The following SPAG17 variants were observed in gnomAD, a reference collection of about 807,000 sequenced individuals.
The protein encoded by SPAG17 is sperm-associated antigen 17.
In SPAG17, 169 loss-of-function variants were observed where a neutral mutation model predicts 273.6. The observed-to-expected ratio is 0.62, with a 90% CI of 0.55 to 0.70. The LOEUF (loss-of-function observed/expected upper bound fraction) is 0.70. SPAG17 is among the 30% of genes least tolerant of loss of function. The probability of loss-of-function intolerance (pLI) is 0.00; values close to 1 mark genes in which losing one functional copy is unlikely to be tolerated. For synonymous variants in SPAG17, 825 were observed against 873.2 expected (o/e 0.94, Z 0.97); for missense variants, 2,557 against 2,627.8 (o/e 0.97, Z 0.59).
intron 20 of SPAG17, among the ~76,000 whole-genome samples, chr1:118,052,970 A>G (rs989851113): frequency 2.0e-5 from 3 of 152,120 alleles, no homozygotes; most frequent in South Asian, 4.1e-4. Flanking sequence ...GATGGAGTAA[A>G]GGAATGTGAA....
intron 28 of SPAG17, among the ~76,000 whole-genome samples, chr1:118,019,809 T>A (rs1322745123): frequency 1.3e-5 from 2 of 152,210 alleles, no homozygotes; most frequent in African/African-American, 4.8e-5. Flanking sequence ...TAAAGGATAT[T>A]TTCAATGTAC....
At chr1:118,060,599 T>C (rs1652181561) in intron 18 of SPAG17, among the ~76,000 whole-genome samples, 1 of 152,248 alleles carries the variant, frequency 6.6e-6, no homozygotes, top group South Asian at 2.1e-4. Flanking sequence ...AATTTGACTG[T>C]ATACTTGCCT....
intron 40 of SPAG17, among the ~76,000 whole-genome samples, chr1:117,985,209 G>T (rs1242388634): frequency 6.6e-6 from 1 of 152,164 alleles, no homozygotes; most frequent in Admixed American, 6.5e-5. Flanking sequence ...AAAACTTGAG[G>T]CATGATTTGT....
chr1:117,995,695 A>AACAC lies in SPAG17; in HGVS notation c.5053+671_5053+674dup, dbSNP rs10570645. Among the ~76,000 whole-genome samples, 543 of 140,830 alleles carry AACAC rather than the reference A, an allele frequency of 3.9e-3. 2 individuals are homozygous for AACAC. The highest frequency in any genetic ancestry group is 5.1e-3 in the South Asian group (21 of 4,082). The allele number at this position is 140,830 out of a possible 152,430, so 92.4% of individuals were successfully genotyped here. On this transcript the variant is annotated intron_variant, in intron 34 of 48. Transcript: ENST00000336338. ...CCAAAACACAGAAAAAAGATGAAAT[A>AACAC]ACACACACACACACACACACACACA... is the stretch of plus-strand genomic sequence containing the variant.
Position 117,977,936 on chromosome 1 carries a change from T to C in SPAG17, c.6004+3334A>G, listed in dbSNP as rs80334021. On this transcript the variant is annotated intron_variant, in intron 43 of 48. Coordinates refer to ENST00000336338, the MANE Select transcript of SPAG17 (RefSeq NM_206996.4). ...CACCTGGATGATCCATCCAACACCCTGTCTTATCTGATTCTTGATCACACC... is the reference window on the plus strand; with the variant it reads ...CACCTGGATGATCCATCCAACACCCCGTCTTATCTGATTCTTGATCACACC... Among the ~76,000 whole-genome samples, 1,409 of 152,318 alleles carry C rather than the reference T, an allele frequency of 9.3e-3. 21 individuals are homozygous for C. The highest frequency in any genetic ancestry group is 0.032 in the African/African-American group (1,325 of 41,558).
intron 15 of SPAG17, among the ~76,000 whole-genome samples, chr1:118,079,439 T>C (rs1654357865): frequency 6.6e-6 from 1 of 152,178 alleles, no homozygotes; most frequent in Non-Finnish European, 1.5e-5. Flanking sequence ...ATTCCTGATA[T>C]AGTTTTATTC....
chr1:118,147,647 C>G (rs1459344728), intron 3 of SPAG17, among the ~76,000 whole-genome samples: 1 of 152,176 alleles, frequency 6.6e-6, no homozygotes, highest in Non-Finnish European at 1.5e-5. Flanking sequence ...TAAATAAAGA[C>G]TTTCATATAT....
chr1:118,086,125 C>CT, intron 12 of SPAG17, 53 bp from the exon 13 acceptor site: 1 of 1,549,594 alleles, frequency 6.5e-7, no homozygotes, highest in Non-Finnish European at 8.8e-7. Flanking sequence ...TGTTAAGTGC[C>CT]TTATGCATAT....
intron 48 of SPAG17, among the ~76,000 whole-genome samples, chr1:117,954,326 T>C (rs1205006910): frequency 6.6e-6 from 1 of 152,076 alleles, no homozygotes; most frequent in East Asian, 1.9e-4. Context: ...TTGTCTTGAG[T>C]AGAAACCCAC....
At chr1:118,183,185 A>G (rs1037325436) in intron 1 of SPAG17, among the ~76,000 whole-genome samples, 1 of 152,140 alleles carries the variant, frequency 6.6e-6, no homozygotes, top group African/African-American at 2.4e-5. Flanking sequence ...ATAATACAAC[A>G]CATAAACTAG....
At chr1:118,158,683 A>T (rs1273400836) in intron 1 of SPAG17, among the ~76,000 whole-genome samples, 1 of 152,226 alleles carries the variant, frequency 6.6e-6, no homozygotes, top group Non-Finnish European at 1.5e-5. Flanking sequence ...AGACCTTAGC[A>T]GAATCTACTA....
At chr1:118,184,219 T>TAAA (rs1377153715) in intron 1 of SPAG17, among the ~76,000 whole-genome samples, 4 of 149,488 alleles carry the variant, frequency 2.7e-5, no homozygotes, top group South Asian at 2.2e-4. Context: ...AAAAAAAAAT[T>TAAA]TTTTTTCCCC....
intron 28 of SPAG17, among the ~76,000 whole-genome samples, chr1:118,020,858 T>G (rs929234003): frequency 6.6e-6 from 1 of 152,160 alleles, no homozygotes; most frequent in African/African-American, 2.4e-5. Context: ...AGTAATAATT[T>G]ATAACATGAA....
rs1656628803 is a variant in SPAG17 at position 117,988,010 on chromosome 1, GAT to G, written c.5621+93_5621+94del. The G allele has an allele frequency of 2.1e-6, 3 of 1,407,630 alleles. No homozygotes were observed. The African/African-American group carries it at 4.3e-5, about 20-fold the overall frequency. 87.2% of individuals were successfully genotyped at this position (1,407,630 alleles called of 1,614,324 possible). ...GGAGATGAAGGGCTGTGAATTCATT[GAT>G]GTAGTCACCAAAAGTTATAGCACCT... On this transcript the variant is annotated intron_variant, in intron 39 of 48. Transcript: ENST00000336338.
At chr1:118,000,233 G>A (rs1658126166) in intron 32 of SPAG17, among the ~76,000 whole-genome samples, 1 of 152,162 alleles carries the variant, frequency 6.6e-6, no homozygotes, top group South Asian at 2.1e-4. Flanking sequence ...TAGCCTTGTA[G>A]TATAGTTTGA....
At chr1:118,067,419 G>A (rs2102065667) in intron 17 of SPAG17, among the ~76,000 whole-genome samples, 1 of 152,226 alleles carries the variant, frequency 6.6e-6, no homozygotes, top group Non-Finnish European at 1.5e-5. Context: ...GATTAGTGCC[G>A]TTATAAGAAG....
chr1:118,139,500 G>A (rs1658549532), intron 3 of SPAG17, among the ~76,000 whole-genome samples: 1 of 152,140 alleles, frequency 6.6e-6, no homozygotes, highest in Non-Finnish European at 1.5e-5. Flanking sequence ...TTGTTAAAGA[G>A]GTGTCTGCAC....
At chr1:117,955,940 C>A (rs2101265205) in intron 48 of SPAG17, among the ~76,000 whole-genome samples, 1 of 152,188 alleles carries the variant, frequency 6.6e-6, no homozygotes, top group African/African-American at 2.4e-5. Flanking sequence ...AATAACTGAC[C>A]AGTAGGCATA....
At chr1:117,987,932 T>G in intron 39 of SPAG17, 51 bp from the exon 40 acceptor site, 3 of 1,603,016 alleles carry the variant, frequency 1.9e-6, no homozygotes, top group Non-Finnish European at 2.6e-6. Flanking sequence ...GATTTCAGCT[T>G]AAAAACAAAA....
Sources: gnomAD v4.1 joint callset for allele counts (sites outside exome capture counted in the v4.1 genomes callset) on GRCh38, gnomAD v4.1.1 for gene constraint, MANE v1.5 for transcripts, NCBI Gene and HGNC (gene_info 2026-07-23, HGNC 2026-07-21) for gene names.